Variants in KIAA1549L observed in about 807,000 individuals in gnomAD.
KIAA1549L encodes UPF0606 protein KIAA1549L.
Under a neutral mutation model 160.7 loss-of-function variants are expected in KIAA1549L, and 88 were observed. The ratio of observed to expected loss-of-function variants is 0.55; its 90% CI spans 0.46 to 0.65. The LOEUF is 0.65. Ranked by LOEUF, KIAA1549L falls within the 30% of genes least tolerant of loss-of-function variation. The pLI is 0.00. For missense variants in KIAA1549L, 2,258 were observed against 2,437.5 expected, an observed-to-expected ratio of 0.93 and a Z score of 1.55; for synonymous variants, 950 against 976.7, an observed-to-expected ratio of 0.97 and a Z score of 0.51.
intron 5 of KIAA1549L, 128 bp downstream of exon 5, chr11:33,551,387 A>G: frequency 1.3e-6 from 1 of 743,816 alleles, no homozygotes; most frequent in Non-Finnish European, 2.3e-6. Flanking sequence ...ACCTTCTTCA[A>G]AGGGTCCTGC....
At chr11:33,539,937 A>G (rs1853977570) in intron 1 of KIAA1549L, among the ~76,000 whole-genome samples, 1 of 152,214 alleles carries the variant, frequency 6.6e-6, no homozygotes, top group Non-Finnish European at 1.5e-5. Context: ...TTTCTTCATG[A>G]GACATTTGGA....
At chr11:33,499,807 A>G (rs568522818) in intron 1 of KIAA1549L, among the ~76,000 whole-genome samples, 193 of 152,338 alleles carry the variant, frequency 1.3e-3, no homozygotes, top group Admixed American at 2.1e-3. Flanking sequence ...AGCACTTACT[A>G]TGTGACAGCC....
intron 1 of KIAA1549L, among the ~76,000 whole-genome samples, chr11:33,540,180 C>T (rs899831465): frequency 1.3e-5 from 2 of 152,148 alleles, no homozygotes; most frequent in African/African-American, 4.8e-5. Context: ...AAAGAGTTTG[C>T]AAAACTTCCT....
chr11:33,634,073 C>T (rs917657203), intron 16 of KIAA1549L, among the ~76,000 whole-genome samples: 1 of 152,140 alleles, frequency 6.6e-6, no homozygotes, highest in Non-Finnish European at 1.5e-5. Context: ...GACAGAGTCT[C>T]ATTCTGTCGC....
At chr11:33,654,387 T>G (rs2133428120) in intron 17 of KIAA1549L, among the ~76,000 whole-genome samples, 1 of 152,372 alleles carries the variant, frequency 6.6e-6, no homozygotes, top group South Asian at 2.1e-4. Flanking sequence ...TCTACTCTTT[T>G]TAACTTCACT....
intron 1 of KIAA1549L, among the ~76,000 whole-genome samples, chr11:33,441,703 C>T (rs2132947401): frequency 6.6e-6 from 1 of 152,226 alleles, no homozygotes; most frequent in Admixed American, 6.5e-5. Flanking sequence ...TGTCTTTTGG[C>T]TGCATAAATG....
chr11:33,516,603 C>T (rs1031040938), intron 1 of KIAA1549L, among the ~76,000 whole-genome samples: 1 of 152,208 alleles, frequency 6.6e-6, no homozygotes, highest in Non-Finnish European at 1.5e-5. Context: ...TATGTGAAGC[C>T]ATTATTCCTA....
chr11:33,670,980 C>G lies in KIAA1549L; in HGVS notation c.*2826C>G, dbSNP rs1041935898. 6.6e-6 allele frequency: 1 copy of G among 151,908 alleles called. No homozygotes were observed. Among genetic ancestry groups the G allele is most frequent in the Non-Finnish European group, 1.5e-5 (1 of 68,008 alleles). The allele number at this position is 151,908 out of a possible 1,614,324, so 9.4% of individuals were successfully genotyped here. ...CAGTAACACATTTCTTTAGCTGTGC[C>G]TAGAGGTTTAAAAAAAAGATAAGGG... On this transcript the variant is annotated 3_prime_UTR_variant, in exon 21 of 21. Coordinates refer to ENST00000658780, the MANE Select transcript of KIAA1549L (RefSeq NM_012194.3).
At chr11:33,536,308 G>A (rs953421868) in intron 1 of KIAA1549L, among the ~76,000 whole-genome samples, 1 of 152,242 alleles carries the variant, frequency 6.6e-6, no homozygotes, top group Non-Finnish European at 1.5e-5. Context: ...CTGGGCCTCA[G>A]TTGGGACGAT....
rs539457914 is a variant in KIAA1549L at position 33,484,730 on chromosome 11, A to G, written c.239-57072A>G. ...TAATTTAGGTTTTCCATGGTTGTGT[A>G]TGTTCTCCACTGCATCAGTGTTGTG... is the stretch of plus-strand genomic sequence containing the variant. On this transcript the variant is annotated intron_variant, in intron 1 of 20. Transcript: ENST00000658780. Among the ~76,000 whole-genome samples the G allele has an allele frequency of 7.7e-4, 118 of 152,282 alleles. 1 individual carries two copies. Among genetic ancestry groups the G allele is most frequent in the African/African-American group, 2.6e-3 (108 of 41,554 alleles).
At position 33,425,898 on chromosome 11, in the gene KIAA1549L, C is replaced by T. The variant is rs116445440; in HGVS notation, c.238+49009C>T. ...AAAATGCACAAGTTCAGTCTAAGCA[C>T]GAGAAAACACCAGACAAACCCAAAT... On this transcript the variant is annotated intron_variant, in intron 1 of 20. Coordinates refer to ENST00000658780, the MANE Select transcript of KIAA1549L (RefSeq NM_012194.3). Among the ~76,000 whole-genome samples the T allele has an allele frequency of 5.3e-3, 810 of 152,260 alleles. 10 individuals are homozygous for T. Among genetic ancestry groups the T allele is most frequent in the African/African-American group, 0.019 (777 of 41,556 alleles).
chr11:33,527,817 G>A (rs183224515), intron 1 of KIAA1549L, among the ~76,000 whole-genome samples: 48 of 152,282 alleles, frequency 3.2e-4, no homozygotes, highest in African/African-American at 1.1e-3. Flanking sequence ...AAGAAAAGAA[G>A]ATGGTACATA....
intron 1 of KIAA1549L, among the ~76,000 whole-genome samples, chr11:33,530,262 C>T (rs1212676888): frequency 4.1e-5 from 6 of 147,378 alleles, no homozygotes; most frequent in East Asian, 2.0e-4. Context: ...ATTAGCCGGG[C>T]GTGATAGCAG....
intron 1 of KIAA1549L, among the ~76,000 whole-genome samples, chr11:33,382,466 C>A (rs910772450): frequency 2.0e-5 from 3 of 152,050 alleles, no homozygotes; most frequent in East Asian, 1.9e-4. Flanking sequence ...GCATTGGAGG[C>A]AACACATAAG....
chr11:33,629,197 C>G (rs2133371571), intron 16 of KIAA1549L, among the ~76,000 whole-genome samples: 1 of 152,286 alleles, frequency 6.6e-6, no homozygotes, highest in South Asian at 2.1e-4. Flanking sequence ...GTAACCCGAC[C>G]TTTCTCTCTG....
At chr11:33,495,082 CTTTATTATTAT>C (rs1852783055) in intron 1 of KIAA1549L, among the ~76,000 whole-genome samples, 1 of 151,024 alleles carries the variant, frequency 6.6e-6, no homozygotes, top group Non-Finnish European at 1.5e-5. Flanking sequence ...GCATTTGCTA[CTTTATTATTAT>C]TATTATTATT....
chr11:33,544,406 A>C (rs1854162104), intron 2 of KIAA1549L, 70 bp downstream of exon 2: 1 of 1,469,000 alleles, frequency 6.8e-7, no homozygotes, highest in African/African-American at 1.4e-5. Flanking sequence ...TTTGTGGTCA[A>C]AGCATCTTCA....
intron 3 of KIAA1549L, 80 bp downstream of exon 3, chr11:33,545,458 G>A: frequency 2.8e-6 from 4 of 1,448,086 alleles, no homozygotes; most frequent in Non-Finnish European, 3.7e-6. Flanking sequence ...TAGATCAGTG[G>A]TCCTCAACCA....
At chr11:33,391,795 T>G (rs974269192) in intron 1 of KIAA1549L, among the ~76,000 whole-genome samples, 13 of 152,250 alleles carry the variant, frequency 8.5e-5, no homozygotes, top group Admixed American at 6.5e-4. Context: ...AGTGTCCTAC[T>G]GATGGAAGGT....
Sources: allele counts gnomAD v4.1 joint callset (sites outside exome capture counted in the v4.1 genomes callset), GRCh38; gene constraint gnomAD v4.1.1; transcripts MANE v1.5; gene names NCBI Gene and HGNC (gene_info 2026-07-23, HGNC 2026-07-21).